Variants in PPFIA1 observed in about 807,000 individuals in gnomAD.
The protein encoded by PPFIA1 is liprin-alpha-1.
In PPFIA1, 25 loss-of-function variants were observed where a neutral mutation model predicts 149.9. The ratio of observed to expected loss-of-function variants is 0.17; its 90% confidence interval spans 0.12 to 0.23. The LOEUF (loss-of-function observed/expected upper bound fraction) is 0.23. Ranked by LOEUF, PPFIA1 falls within the 10% of genes least tolerant of loss-of-function variation. The probability of loss-of-function intolerance (pLI) is 1.00; values close to 1 mark genes in which losing one functional copy is unlikely to be tolerated. For synonymous variants in PPFIA1, 549 were observed against 552.8 expected, an observed-to-expected ratio of 0.99 and a Z score of 0.10; for missense variants, 1,362 against 1,506.5, an observed-to-expected ratio of 0.90 and a Z score of 1.59.
intron 21 of PPFIA1, among the ~76,000 whole-genome samples, chr11:70,366,584 G>A (rs1053813767): frequency 1.3e-5 from 2 of 152,124 alleles, no homozygotes; most frequent in East Asian, 1.9e-4. Flanking sequence ...CCGAAATGTC[G>A]TGCGACGCCA....
chr11:70,312,603 G>T (rs1164198894), intron 2 of PPFIA1, among the ~76,000 whole-genome samples: 1 of 152,180 alleles, frequency 6.6e-6, no homozygotes, highest in Non-Finnish European at 1.5e-5. Flanking sequence ...GGTGGTTACT[G>T]TGCAGCCAGT....
rs544225561 is a variant in PPFIA1, at chr11:70,307,268, A to T, written c.265-17134A>T. ...TATAGAATGATGTATTTACAAGGTTATTCATTGCCATATTATTTGTAATCG... is the reference window on the plus strand; with the variant it reads ...TATAGAATGATGTATTTACAAGGTTTTTCATTGCCATATTATTTGTAATCG... On this transcript the variant is annotated intron_variant, in intron 2 of 27. Transcript: ENST00000253925. 2.7e-4 allele frequency among the ~76,000 whole-genome samples: 41 copies of T among 152,338 alleles called. No individual in the cohort carries two copies. In the South Asian group the frequency reaches 7.9e-3, roughly 29 times the overall value.
intron 9 of PPFIA1, among the ~76,000 whole-genome samples, chr11:70,332,472 C>A (rs11235935): frequency 0.46 from 69,231 of 151,984 alleles, 18,260 homozygotes; most frequent in African/African-American, 0.72. Context: ...ATAAATTCTT[C>A]ATAAACACAT....
intron 2 of PPFIA1, among the ~76,000 whole-genome samples, chr11:70,315,057 C>T (rs888622983): frequency 1.3e-5 from 2 of 152,280 alleles, no homozygotes; most frequent in South Asian, 2.1e-4. Flanking sequence ...ATGGGGTAAC[C>T]GCCCTCATGA....
chr11:70,377,522 G>A lies in PPFIA1; in HGVS notation c.3385-508G>A, dbSNP rs188593694. Among the ~76,000 whole-genome samples, 405 of 152,194 alleles carry A rather than the reference G, an allele frequency of 2.7e-3. 2 individuals are homozygous for A. Among genetic ancestry groups the A allele is most frequent in the Non-Finnish European group, 4.4e-3 (297 of 68,018 alleles). On this transcript the variant is annotated intron_variant, in intron 25 of 27. Transcript: ENST00000253925. ...AGTTAAAAATTGTTTGTAGAGCTGC[G>A]TGTGGTAGGGGCACACCTGTAGTTC... is the stretch of plus-strand genomic sequence containing the variant.
chr11:70,295,562 A>G (rs1315222944), intron 2 of PPFIA1, among the ~76,000 whole-genome samples: 1 of 87,892 alleles, frequency 1.1e-5, no homozygotes. Context: ...CGGGGGGCTG[A>G]CCCCCCCACC....
At chr11:70,365,467 CA>C in intron 21 of PPFIA1, 1 of 456,638 alleles carries the variant, frequency 2.2e-6, no homozygotes, top group Non-Finnish European at 4.4e-6. Flanking sequence ...GCACTCCTCC[CA>C]GCGCGTTTTC....
rs1185928015 is a variant in PPFIA1 at position 70,372,388 on chromosome 11, C to T, written c.3039C>T (p.His1013=). The T allele has an allele frequency of 4.3e-6, 7 of 1,613,998 alleles. No homozygotes were observed. The highest frequency in any genetic ancestry group is 1.3e-5 in the African/African-American group (1 of 74,932). The change falls in exon 22 of 28, where the codon CAC becomes CAT. Residue 1013 remains histidine (H), a splice_region_variant and synonymous_variant. Coordinates refer to ENST00000253925, the MANE Select transcript of PPFIA1 (RefSeq NM_003626.5). ...AGCTGAAAATGGTCGACAGTTTTCA[C>T]AGGTAACTTAATGGAGATAGTTCTT... is the stretch of plus-strand genomic sequence containing the variant. ...RGQLKMVDSF[H]RNSFQCGIMC...
intron 7 of PPFIA1, among the ~76,000 whole-genome samples, chr11:70,328,153 G>A (rs1485053127): frequency 2.6e-5 from 4 of 152,002 alleles, no homozygotes; most frequent in African/African-American, 4.8e-5. Context: ...GTGTCCTGGC[G>A]GTTTGTTTTA....
At chr11:70,345,399 C>T (rs2055625800) in intron 15 of PPFIA1, among the ~76,000 whole-genome samples, 2 of 151,324 alleles carry the variant, frequency 1.3e-5, no homozygotes, top group African/African-American at 4.9e-5. Context: ...TGAGCAGGGG[C>T]GTGAAGGAGG....
intron 2 of PPFIA1, among the ~76,000 whole-genome samples, chr11:70,297,319 G>T (rs1206008505): frequency 6.6e-6 from 1 of 152,054 alleles, no homozygotes; most frequent in African/African-American, 2.4e-5. Flanking sequence ...TGAGGCGAGC[G>T]GATCGCCTGA....
At chr11:70,382,061 C>T (rs757906926) in intron 26 of PPFIA1, 27 bp from the exon 27 acceptor site, 27 of 1,611,200 alleles carry the variant, frequency 1.7e-5, no homozygotes, top group South Asian at 2.2e-5. Context: ...TGTGTTTGCA[C>T]GCTTCCTCTC....
intron 25 of PPFIA1, 134 bp from the exon 26 acceptor site, chr11:70,377,896 A>G: frequency 1.4e-6 from 1 of 735,948 alleles, no homozygotes; most frequent in South Asian, 1.9e-5. Context: ...TTGTGTGGTC[A>G]TCAAGAAGGG....
chr11:70,277,816 C>T (rs1320390332), intron 2 of PPFIA1, among the ~76,000 whole-genome samples: 7 of 151,900 alleles, frequency 4.6e-5, no homozygotes, highest in Non-Finnish European at 1.0e-4. Context: ...GAAGAACTTT[C>T]TACGGTATTT....
chr11:70,289,586 G>A (rs1340904470), intron 2 of PPFIA1, among the ~76,000 whole-genome samples: 1 of 152,180 alleles, frequency 6.6e-6, no homozygotes, highest in East Asian at 1.9e-4. Context: ...AGAGTAATGG[G>A]TTTAAAACAA....
chr11:70,339,820 G>C (rs1344492671), intron 14 of PPFIA1, among the ~76,000 whole-genome samples: 1 of 152,112 alleles, frequency 6.6e-6, no homozygotes, highest in Admixed American at 6.5e-5. Context: ...TTTGAGATCA[G>C]CCTGGTCAAC....
At chr11:70,371,679 A>AT (rs1247943335) in intron 21 of PPFIA1, 1 of 111,632 alleles carries the variant, frequency 9.0e-6, no homozygotes, top group East Asian at 2.5e-4. Flanking sequence ...GAAGTGTTGA[A>AT]TTTTTTCAAC....
chr11:70,335,751 T>C (rs2054933118), intron 11 of PPFIA1, 57 bp downstream of exon 11: 1 of 1,597,230 alleles, frequency 6.3e-7, no homozygotes, highest in Non-Finnish European at 8.6e-7. Flanking sequence ...AAAAGATTGC[T>C]CATCTGCCCC....
At chr11:70,380,276 C>T (rs2057655727) in intron 26 of PPFIA1, among the ~76,000 whole-genome samples, 1 of 133,618 alleles carries the variant, frequency 7.5e-6, no homozygotes, top group African/African-American at 2.8e-5. Flanking sequence ...AGTAAAAATA[C>T]AAAAAAATCG....
Sources: allele counts gnomAD v4.1 joint callset (sites outside exome capture counted in the v4.1 genomes callset), GRCh38; gene constraint gnomAD v4.1.1; transcripts MANE v1.5; gene names NCBI Gene and HGNC (gene_info 2026-07-23, HGNC 2026-07-21).